C13orf42: variants seen among roughly 807,000 people sequenced by gnomAD.
C13orf42 encodes the protein uncharacterized protein C13orf42.
intron 1 of C13orf42, among the ~76,000 whole-genome samples, chr13:51,158,717 A>G (rs1183609813): frequency 6.6e-6 from 1 of 152,206 alleles, no homozygotes; most frequent in African/African-American, 2.4e-5. Context: ...ACTCGCAGTA[A>G]CCCATCAATT....
chr13:51,130,853 T>TAA lies in C13orf42; in HGVS notation n.137-17633_137-17632dup, dbSNP rs146562175. On this transcript the variant is annotated intron_variant and non_coding_transcript_variant, in intron 1 of 4. Coordinates refer to the C13orf42 transcript ENST00000433280. ...TAAGGAAAGTGAAATGTGTTTTTGG[T>TAA]AAAAAAAAAATATATATATATATAT... Among the ~76,000 whole-genome samples the TAA allele has an allele frequency of 3.6e-3, 539 of 147,986 alleles. 7 individuals are homozygous for TAA. The highest frequency in any genetic ancestry group is 0.013 in the African/African-American group (512 of 40,546).
chr13:51,117,053 G>T (rs1490959466), intron 1 of C13orf42, among the ~76,000 whole-genome samples: 1 of 152,252 alleles, frequency 6.6e-6, no homozygotes, highest in African/African-American at 2.4e-5. Flanking sequence ...CTACACAAGG[G>T]TGTGAGTACT....
chr13:51,171,717 T>C (rs1445469330), intron 1 of C13orf42, among the ~76,000 whole-genome samples: 8 of 152,140 alleles, frequency 5.3e-5, no homozygotes, highest in African/African-American at 9.7e-5. Flanking sequence ...TGGCTGGAGC[T>C]AAAGGCATAG....
At chr13:51,106,406 C>G (rs1953356358) in intron 1 of C13orf42, among the ~76,000 whole-genome samples, 1 of 152,196 alleles carries the variant, frequency 6.6e-6, no homozygotes. Flanking sequence ...AAGGTGCACA[C>G]TCTTGCATCT....
At chr13:51,163,973 G>A (rs901322290) in intron 1 of C13orf42, among the ~76,000 whole-genome samples, 4 of 152,120 alleles carry the variant, frequency 2.6e-5, no homozygotes, top group African/African-American at 9.7e-5. Flanking sequence ...TGAGTCATGG[G>A]ATATAGGATG....
chr13:51,130,047 T>C (rs998818501), intron 1 of C13orf42, among the ~76,000 whole-genome samples: 1 of 152,214 alleles, frequency 6.6e-6, no homozygotes, highest in Non-Finnish European at 1.5e-5. Flanking sequence ...ATGTGTTGTG[T>C]GTGTGATATG....
intron 1 of C13orf42, among the ~76,000 whole-genome samples, chr13:51,102,182 C>G (rs1953300742): frequency 6.6e-6 from 1 of 152,178 alleles, no homozygotes; most frequent in Non-Finnish European, 1.5e-5. Flanking sequence ...GCTCCCCAGC[C>G]CCCGCCAGTA....
chr13:51,095,537 G>GTT (rs532759692), intron 1 of C13orf42, among the ~76,000 whole-genome samples: 1 of 147,550 alleles, frequency 6.8e-6, no homozygotes, highest in Non-Finnish European at 1.5e-5. Context: ...TACTTATTTG[G>GTT]TTTTTTTTTT....
In C13orf42 at chr13:51,086,475, AGT is replaced by A. The variant is rs992486028; in HGVS notation, c.563-918_563-917del. Among the ~76,000 whole-genome samples, 18 of 151,322 alleles carry A rather than the reference AGT, an allele frequency of 1.2e-4. No individual in the cohort carries two copies. In the South Asian group the frequency reaches 2.5e-3, roughly 21 times the overall value. ...GTGAGTTTGTGTGTGTGTATGTGAG[AGT>A]GTGTGTGTGTAAGAGAGTGTGTGTG... On this transcript the variant is annotated intron_variant, in intron 2 of 3. Coordinates refer to ENST00000563710, the MANE Select transcript of C13orf42 (RefSeq NM_001351589.3).
At chr13:51,144,708 G>A (rs1953721639) in intron 1 of C13orf42, among the ~76,000 whole-genome samples, 1 of 152,134 alleles carries the variant, frequency 6.6e-6, no homozygotes, top group Non-Finnish European at 1.5e-5. Flanking sequence ...GTCACTTTCT[G>A]ACAGGTGTAG....
chr13:51,101,618 T>C (rs1953292636), intron 1 of C13orf42, among the ~76,000 whole-genome samples: 1 of 152,226 alleles, frequency 6.6e-6, no homozygotes, highest in African/African-American at 2.4e-5. Flanking sequence ...GTTTCTCAGG[T>C]AATTGGTTTA....
intron 1 of C13orf42, among the ~76,000 whole-genome samples, chr13:51,095,951 T>C (rs569400377): frequency 1.1e-4 from 16 of 152,222 alleles, no homozygotes; most frequent in Non-Finnish European, 1.9e-4. Flanking sequence ...AGGCATTTTA[T>C]GTAGGTCAGT....
At chr13:51,120,624 A>G (rs1235597857) in intron 1 of C13orf42, among the ~76,000 whole-genome samples, 1 of 152,186 alleles carries the variant, frequency 6.6e-6, no homozygotes, top group East Asian at 1.9e-4. Flanking sequence ...AGGTCCTGAA[A>G]AGGCACCAGA....
At chr13:51,115,641 A>G (rs1422259966), upstream of C13orf42, among the ~76,000 whole-genome samples, 2 of 152,210 alleles carry the variant, frequency 1.3e-5, no homozygotes, top group Non-Finnish European at 2.9e-5. Context: ...ACTCTGAGTC[A>G]GTCCTTCCAA....
rs184020176 is a variant in C13orf42, at chr13:51,165,884, T to G, written n.136+6369A>C. ...ATTTAAGGTATATTTTTAATCGGCA[T>G]AGCACTATGCAAATGTAGAGACTCC... On this transcript the variant is annotated intron_variant and non_coding_transcript_variant, in intron 1 of 4. Transcript: ENST00000433280. Among the ~76,000 whole-genome samples, 543 of 152,364 alleles carry G rather than the reference T, an allele frequency of 3.6e-3. 2 individuals carry two copies. Among genetic ancestry groups the G allele is most frequent in the Non-Finnish European group, 6.6e-3 (450 of 68,032 alleles).
intron 1 of C13orf42, among the ~76,000 whole-genome samples, chr13:51,136,594 C>T (rs1448398681): frequency 2.0e-5 from 3 of 152,280 alleles, no homozygotes; most frequent in African/African-American, 2.4e-5. Context: ...CAGAGCTCAC[C>T]GGGGTGTGGG....
chr13:51,153,630 CTTTTTTT>C (rs1206289963), intron 1 of C13orf42, among the ~76,000 whole-genome samples: 12 of 81,246 alleles, frequency 1.5e-4, no homozygotes, highest in African/African-American at 2.3e-4. Flanking sequence ...TGTTTTTTTT[CTTTTTTT>C]TTTTTTTTTT....
chr13:51,158,105 AT>A (rs1953838233), intron 1 of C13orf42, among the ~76,000 whole-genome samples: 1 of 152,254 alleles, frequency 6.6e-6, no homozygotes, highest in African/African-American at 2.4e-5. Context: ...ATGACTAGAT[AT>A]TATTCCCATT....
intron 1 of C13orf42, among the ~76,000 whole-genome samples, chr13:51,153,444 CAGAG>C (rs143095880): frequency 0.045 from 6,710 of 149,660 alleles, 499 homozygotes; most frequent in African/African-American, 0.15. Context: ...AAAAACATGA[CAGAG>C]AGAGAGAGAG....
Sources: gnomAD v4.1 joint callset for allele counts (sites outside exome capture counted in the v4.1 genomes callset) on GRCh38, gnomAD v4.1.1 for gene constraint, MANE v1.5 for transcripts, NCBI Gene and HGNC (gene_info 2026-07-23, HGNC 2026-07-21) for gene names.